Variants in PDE4D observed in about 807,000 individuals in gnomAD.
The protein encoded by PDE4D is 3',5'-cyclic-AMP phosphodiesterase 4D.
PDE4D carries 24 observed loss-of-function variants against 87.4 expected under a neutral mutation model. The ratio of observed to expected loss-of-function variants is 0.27; its 90% confidence interval spans 0.20 to 0.39. The LOEUF is 0.39. Among genes scored for constraint, PDE4D ranks in the 10% least tolerant of loss-of-function variants. The pLI, the probability that PDE4D is intolerant of heterozygous loss-of-function variation, is 1.00. For synonymous variants in PDE4D, 384 were observed against 383.2 expected (o/e 1.00, Z -0.02); for missense variants, 714 against 1,041.0 (o/e 0.69, Z 4.32).
intron 2 of PDE4D, among the ~76,000 whole-genome samples, chr5:60,182,522 C>T (rs779921069): frequency 9.2e-5 from 14 of 152,062 alleles, no homozygotes; most frequent in African/African-American, 2.4e-4. Context: ...ATCCCAGCTA[C>T]TCAGGAGGCT....
intron 1 of PDE4D, among the ~76,000 whole-genome samples, chr5:59,312,102 C>G (rs1017761827): frequency 1.3e-5 from 2 of 152,150 alleles, no homozygotes; most frequent in Non-Finnish European, 2.9e-5. Context: ...GTTCTCCTCT[C>G]CAAGCTTGTA....
intron 2 of PDE4D, among the ~76,000 whole-genome samples, chr5:60,137,623 C>T (rs974239931): frequency 6.6e-6 from 1 of 151,974 alleles, no homozygotes; most frequent in African/African-American, 2.4e-5. Context: ...ATTTTGCCCA[C>T]TTTTTAATGG....
chr5:59,473,237 C>T (rs1802755044), intron 1 of PDE4D, among the ~76,000 whole-genome samples: 2 of 152,048 alleles, frequency 1.3e-5, no homozygotes, highest in Admixed American at 1.3e-4. Flanking sequence ...ATAGTTTCAA[C>T]TATACTAATG....
chr5:60,189,037 G>A lies in PDE4D; in HGVS notation c.-89-3350C>T, dbSNP rs532074365. On this transcript the variant is annotated intron_variant, in intron 1 of 16. Transcript: ENST00000502484. ...TTTCTCTCTCAGCAAAGATAATGTG[G>A]TGAGACTGCAGAAAAGCTTTCTCCC... Among the ~76,000 whole-genome samples, 82 of 152,318 alleles carry A rather than the reference G, an allele frequency of 5.4e-4. 1 individual carries two copies. Among genetic ancestry groups the A allele is most frequent in the Admixed American group, 2.1e-3 (32 of 15,302 alleles).
intron 1 of PDE4D, among the ~76,000 whole-genome samples, chr5:59,695,084 G>A (rs1036739143): frequency 1.3e-5 from 2 of 151,884 alleles, no homozygotes; most frequent in African/African-American, 4.8e-5. Flanking sequence ...AAATCTCCAT[G>A]GTCTCTAACC....
chr5:60,487,435 T>C (rs1327501659), intron 1 of PDE4D, among the ~76,000 whole-genome samples: 10 of 152,240 alleles, frequency 6.6e-5, no homozygotes, highest in Admixed American at 3.9e-4. Flanking sequence ...TTCAATTGGC[T>C]GCAGATTACA....
In PDE4D at chr5:60,218,022, C is replaced by T. The variant is rs539783530; in HGVS notation, c.-89-32335G>A. On this transcript the variant is annotated intron_variant, in intron 1 of 16. Coordinates refer to the PDE4D transcript ENST00000502484. ...CTAAAGCTGAATTATGTCTACCCTACAAACCAGCCATGTTAACTCTAGCTA... is the reference window on the plus strand; with the variant it reads ...CTAAAGCTGAATTATGTCTACCCTATAAACCAGCCATGTTAACTCTAGCTA... 2.6e-5 allele frequency among the ~76,000 whole-genome samples: 4 copies of T among 152,064 alleles called. No individual in the cohort carries two copies. In the South Asian group the frequency reaches 8.3e-4, roughly 32 times the overall value.
intron 2 of PDE4D, among the ~76,000 whole-genome samples, chr5:60,160,531 C>T (rs1476904486): frequency 2.0e-5 from 3 of 151,980 alleles, no homozygotes; most frequent in Admixed American, 1.3e-4. Flanking sequence ...AATAACTGGA[C>T]CAGAGTGTGA....
chr5:59,819,501 T>A (rs540083394), intron 1 of PDE4D, among the ~76,000 whole-genome samples: 12 of 152,372 alleles, frequency 7.9e-5, no homozygotes, highest in African/African-American at 2.9e-4. Flanking sequence ...CTATTACTCA[T>A]AAATGCTGAT....
At chr5:59,003,966 TAA>T (rs35092276) in intron 6 of PDE4D, among the ~76,000 whole-genome samples, 30,777 of 147,206 alleles carry the variant, frequency 0.21, 3,556 homozygotes, top group East Asian at 0.55. Flanking sequence ...CCCCCTCCTT[TAA>T]AAAAAAAAAA....
chr5:59,300,949 T>G (rs963745589), intron 1 of PDE4D, among the ~76,000 whole-genome samples: 9 of 152,166 alleles, frequency 5.9e-5, no homozygotes, highest in African/African-American at 1.9e-4. Context: ...TGCTAGTTTA[T>G]TATAAAGGAT....
chr5:60,048,587 C>A (rs1026356522), intron 2 of PDE4D, among the ~76,000 whole-genome samples: 12 of 151,756 alleles, frequency 7.9e-5, no homozygotes, highest in African/African-American at 2.9e-4. Context: ...TCAGCATTTG[C>A]TTGTCTGTAA....
chr5:60,070,718 C>T (rs1035520469), intron 2 of PDE4D, among the ~76,000 whole-genome samples: 1 of 151,916 alleles, frequency 6.6e-6, no homozygotes, highest in African/African-American at 2.4e-5. Context: ...GTTCCCTCTC[C>T]CCTTCAATTT....
chr5:59,295,382 C>G (rs1178860771), intron 1 of PDE4D, among the ~76,000 whole-genome samples: 1 of 152,046 alleles, frequency 6.6e-6, no homozygotes, highest in Non-Finnish European at 1.5e-5. Flanking sequence ...TTGTGTCAGC[C>G]CAGCACAAAC....
At chr5:60,123,716 G>C (rs1327980944) in intron 2 of PDE4D, among the ~76,000 whole-genome samples, 2 of 152,078 alleles carry the variant, frequency 1.3e-5, no homozygotes, top group Non-Finnish European at 2.9e-5. Flanking sequence ...AAATACATGA[G>C]GAATTTTCCA....
intron 1 of PDE4D, among the ~76,000 whole-genome samples, chr5:59,364,941 C>T (rs1782816156): frequency 6.6e-6 from 1 of 151,960 alleles, no homozygotes; most frequent in Admixed American, 6.6e-5. Context: ...CCTCACATGT[C>T]CCAGGCTATG....
intron 2 of PDE4D, among the ~76,000 whole-genome samples, chr5:60,076,375 G>T (rs1346113218): frequency 6.6e-6 from 1 of 152,120 alleles, no homozygotes; most frequent in Non-Finnish European, 1.5e-5. Context: ...GGCCAGGGTG[G>T]TCTTGATATC....
At chr5:60,086,755 C>G (rs964269405) in intron 2 of PDE4D, among the ~76,000 whole-genome samples, 1 of 152,238 alleles carries the variant, frequency 6.6e-6, no homozygotes, top group African/African-American at 2.4e-5. Context: ...GAAGCCCACT[C>G]CAGTCCCATC....
chr5:59,176,378 C>A (rs1365442662), intron 5 of PDE4D, among the ~76,000 whole-genome samples: 1 of 151,996 alleles, frequency 6.6e-6, no homozygotes, highest in African/African-American at 2.4e-5. Flanking sequence ...CACAGTGAAA[C>A]CCTGTCTCTA....
Sources: allele counts gnomAD v4.1 joint callset (sites outside exome capture counted in the v4.1 genomes callset), GRCh38; gene constraint gnomAD v4.1.1; transcripts MANE v1.5; gene names NCBI Gene and HGNC (gene_info 2026-07-23, HGNC 2026-07-21).